CSNK1G3: variants seen among roughly 807,000 people sequenced by gnomAD.
CSNK1G3 encodes casein kinase 1 gamma 3.
A neutral mutation model predicts 64.3 loss-of-function variants in CSNK1G3; 23 were observed. That is an observed-to-expected ratio of 0.36 (90% CI 0.26 to 0.51). CSNK1G3 has a LOEUF of 0.51. Among genes scored for constraint, CSNK1G3 ranks in the 20% least tolerant of loss-of-function variants. The pLI, the probability that CSNK1G3 is intolerant of heterozygous loss-of-function variation, is 0.96. For synonymous variants in CSNK1G3, 158 were observed against 162.2 expected, an observed-to-expected ratio of 0.97 and a Z score of 0.20; for missense variants, 357 against 510.5, an observed-to-expected ratio of 0.70 and a Z score of 2.90.
chr5:123,541,677 C>T (rs142767840), intron 1 of CSNK1G3, among the ~76,000 whole-genome samples: 1 of 152,306 alleles, frequency 6.6e-6, no homozygotes, highest in Non-Finnish European at 1.5e-5. Context: ...AGCGAATCAC[C>T]TACCTCTGCC....
intron 4 of CSNK1G3, among the ~76,000 whole-genome samples, chr5:123,559,568 A>G (rs930865477): frequency 3.3e-5 from 5 of 152,128 alleles, no homozygotes. Context: ...TCTCTGCTCT[A>G]TGGGTGTCAT....
chr5:123,553,461 T>G (rs914802607), intron 3 of CSNK1G3, among the ~76,000 whole-genome samples: 1 of 152,226 alleles, frequency 6.6e-6, no homozygotes, highest in African/African-American at 2.4e-5. Context: ...ATTAACAAGA[T>G]TTTGCCTTCT....
intron 12 of CSNK1G3, among the ~76,000 whole-genome samples, chr5:123,607,256 T>C (rs944737805): frequency 2.0e-5 from 3 of 152,206 alleles, no homozygotes; most frequent in African/African-American, 7.2e-5. Flanking sequence ...GAACTTTATA[T>C]AGCATTGGTT....
chr5:123,559,340 G>C (rs1785229615), intron 4 of CSNK1G3, among the ~76,000 whole-genome samples: 2 of 152,118 alleles, frequency 1.3e-5, no homozygotes, highest in African/African-American at 4.8e-5. Context: ...AAATGAGTTA[G>C]TCAGTTTAGA....
chr5:123,543,184 G>A (rs1452328722), intron 1 of CSNK1G3, among the ~76,000 whole-genome samples: 1 of 151,916 alleles, frequency 6.6e-6, no homozygotes, highest in Non-Finnish European at 1.5e-5. Context: ...GTTTTGTTCT[G>A]GAATGCAGTT....
chr5:123,576,014 A>T, intron 6 of CSNK1G3, 51 bp downstream of exon 6: 1 of 1,183,526 alleles, frequency 8.4e-7, no homozygotes, highest in East Asian at 2.4e-5. Context: ...AGCTGTGCTA[A>T]CACTGTGAGT....
At chr5:123,600,837 C>T (rs1282046091) in intron 10 of CSNK1G3, among the ~76,000 whole-genome samples, 1 of 151,216 alleles carries the variant, frequency 6.6e-6, no homozygotes, top group Non-Finnish European at 1.5e-5. Context: ...ATGTCTCACA[C>T]TTGCTTGTGG....
At chr5:123,525,604 G>C (rs1214925844) in intron 1 of CSNK1G3, among the ~76,000 whole-genome samples, 1 of 151,896 alleles carries the variant, frequency 6.6e-6, no homozygotes, top group Non-Finnish European at 1.5e-5. Flanking sequence ...AGTTTGCATT[G>C]TTACAGTTGT....
intron 1 of CSNK1G3, among the ~76,000 whole-genome samples, chr5:123,514,306 G>A (rs554632697): frequency 5.3e-5 from 8 of 152,220 alleles, no homozygotes; most frequent in Admixed American, 3.9e-4. Flanking sequence ...AGTGTGTTAT[G>A]TAATTATTGA....
chr5:123,586,937 G>A (rs1307138570), intron 6 of CSNK1G3, among the ~76,000 whole-genome samples: 1 of 152,168 alleles, frequency 6.6e-6, no homozygotes, highest in Non-Finnish European at 1.5e-5. Flanking sequence ...ATGGTGGCAG[G>A]CAAAGAGAGC....
chr5:123,559,702 GTTT>G (rs11357811), intron 4 of CSNK1G3, among the ~76,000 whole-genome samples: 2 of 132,420 alleles, frequency 1.5e-5, no homozygotes. Context: ...ATTTTTTGTG[GTTT>G]TTTTTTTTTT....
chr5:123,576,973 T>C (rs1789283764), intron 6 of CSNK1G3, among the ~76,000 whole-genome samples: 1 of 152,114 alleles, frequency 6.6e-6, no homozygotes, highest in Admixed American at 6.5e-5. Context: ...CCCCCAGTTA[T>C]TGACTTATGT....
At chr5:123,591,831 T>A (rs1297207481) in intron 10 of CSNK1G3, among the ~76,000 whole-genome samples, 1 of 152,096 alleles carries the variant, frequency 6.6e-6, no homozygotes, top group Non-Finnish European at 1.5e-5. Context: ...TTGTCACCAG[T>A]GTCTAAAAGC....
intron 1 of CSNK1G3, among the ~76,000 whole-genome samples, chr5:123,543,689 G>A (rs1782056272): frequency 6.6e-6 from 1 of 152,090 alleles, no homozygotes; most frequent in Non-Finnish European, 1.5e-5. Context: ...CTCACCTTTT[G>A]TGTTTTTTCT....
chr5:123,591,998 A>G (rs1278861712), intron 10 of CSNK1G3, among the ~76,000 whole-genome samples: 5 of 152,068 alleles, frequency 3.3e-5, no homozygotes, highest in African/African-American at 1.2e-4. Flanking sequence ...TAAGCTTTGA[A>G]TCAAAACTCT....
chr5:123,615,290 A>T (rs1360582418), exon 13 of CSNK1G3: 1 of 152,616 alleles, frequency 6.6e-6, no homozygotes, highest in Non-Finnish European at 1.5e-5. Context: ...TATAAGGTGG[A>T]AGCCTAAAGA....
intron 4 of CSNK1G3, among the ~76,000 whole-genome samples, chr5:123,567,466 CG>C (rs1787148008): frequency 6.6e-6 from 1 of 151,962 alleles, no homozygotes; most frequent in African/African-American, 2.4e-5. Flanking sequence ...ATTAGCTGGG[CG>C]TGGTGGCAGG....
chr5:123,611,269 A>G (rs1042018019), intron 12 of CSNK1G3, among the ~76,000 whole-genome samples: 4 of 152,190 alleles, frequency 2.6e-5, no homozygotes, highest in African/African-American at 9.7e-5. Flanking sequence ...ATTTGGATGC[A>G]TTTGTATCAC....
chr5:123,513,192 T>C (rs548339108), intron 1 of CSNK1G3, among the ~76,000 whole-genome samples: 1 of 152,154 alleles, frequency 6.6e-6, no homozygotes, highest in Non-Finnish European at 1.5e-5. Flanking sequence ...GCAAAATCAC[T>C]CTGATGGTTA....
Sources: allele counts gnomAD v4.1 joint callset (sites outside exome capture counted in the v4.1 genomes callset), GRCh38; gene constraint gnomAD v4.1.1; transcripts MANE v1.5; gene names NCBI Gene and HGNC (gene_info 2026-07-23, HGNC 2026-07-21).